ANKAR: variants seen among roughly 807,000 people sequenced by gnomAD.
ANKAR encodes ankyrin and armadillo repeat-containing protein.
Under a neutral mutation model 146.2 loss-of-function variants are expected in ANKAR, and 136 were observed. The observed-to-expected ratio is 0.93, with a 90% CI of 0.81 to 1.07. The LOEUF (loss-of-function observed/expected upper bound fraction) is 1.07. Among genes scored for constraint, ANKAR ranks in the 50% least tolerant of loss-of-function variants. ANKAR has a pLI of 0.00. For missense variants in ANKAR, 1,567 were observed against 1,679.9 expected, an observed-to-expected ratio of 0.93 and a Z score of 1.18; for synonymous variants, 500 against 575.8, an observed-to-expected ratio of 0.87 and a Z score of 1.88.
At chr2:189,687,577 C>T (rs1273243755) in intron 2 of ANKAR, among the ~76,000 whole-genome samples, 1 of 152,154 alleles carries the variant, frequency 6.6e-6, no homozygotes. Context: ...ACATTCCCAC[C>T]AACAGTGTAC....
In ANKAR at chr2:189,699,614, C is replaced by T. The variant is rs1259751367; in HGVS notation, c.1708+3245C>T. On this transcript the variant is annotated intron_variant, in intron 7 of 22. Transcript: ENST00000684021. ...GTCATTCATTTCACTTATGCATAAG[C>T]ACATATAAGTATCTATATATTCAAA... 1.3e-5 allele frequency among the ~76,000 whole-genome samples: 2 copies of T among 152,146 alleles called. 1 individual carries two copies. Among genetic ancestry groups the T allele is most frequent in the Non-Finnish European group, 2.9e-5 (2 of 68,034 alleles).
At chr2:189,677,394 G>T (rs2033891821) in intron 2 of ANKAR, among the ~76,000 whole-genome samples, 1 of 152,092 alleles carries the variant, frequency 6.6e-6, no homozygotes, top group African/African-American at 2.4e-5. Flanking sequence ...CATCACCTGA[G>T]CAGTGTACAC....
At chr2:189,740,294 C>G (rs1414534236) in intron 19 of ANKAR, among the ~76,000 whole-genome samples, 1 of 152,168 alleles carries the variant, frequency 6.6e-6, no homozygotes, top group Non-Finnish European at 1.5e-5. Flanking sequence ...GTCTTTTTAA[C>G]TTTAAATAGA....
chr2:189,752,504 C>T, intron 18 of ANKAR: 1 of 719,614 alleles, frequency 1.4e-6, no homozygotes, highest in Non-Finnish European at 2.3e-6. Flanking sequence ...CATATGGTAT[C>T]AACCTTAACT....
At chr2:189,745,503 T>G (rs1238716614) in intron 22 of ANKAR, among the ~76,000 whole-genome samples, 1 of 152,214 alleles carries the variant, frequency 6.6e-6, no homozygotes, top group African/African-American at 2.4e-5. Context: ...GTTTTGTACA[T>G]AGTTGGTACA....
intron 2 of ANKAR, among the ~76,000 whole-genome samples, chr2:189,682,071 A>T (rs552876909): frequency 3.9e-5 from 6 of 152,234 alleles, no homozygotes; most frequent in Non-Finnish European, 7.4e-5. Context: ...GTGCCTGGGG[A>T]TAGTGCTGGG....
At chr2:189,733,900 C>T (rs150379082) in intron 17 of ANKAR, among the ~76,000 whole-genome samples, 7 of 151,776 alleles carry the variant, frequency 4.6e-5, no homozygotes, top group Non-Finnish European at 8.8e-5. Flanking sequence ...TGTCTTGTCT[C>T]TTTAGCCTCC....
At chr2:189,733,604 C>A (rs1009639869) in intron 17 of ANKAR, among the ~76,000 whole-genome samples, 7 of 152,100 alleles carry the variant, frequency 4.6e-5, no homozygotes, top group South Asian at 2.1e-4. Context: ...TTTTTCCCAG[C>A]AATCTATTAT....
chr2:189,704,068 AT>A (rs1256578594), intron 7 of ANKAR, among the ~76,000 whole-genome samples: 3 of 152,130 alleles, frequency 2.0e-5, no homozygotes, highest in Non-Finnish European at 4.4e-5. Context: ...TGGGAGAATA[AT>A]TTGGCAATAT....
chr2:189,704,564 TATA>T (rs2038603097), intron 7 of ANKAR, among the ~76,000 whole-genome samples: 2 of 98,752 alleles, frequency 2.0e-5, no homozygotes, highest in Admixed American at 2.2e-4. Flanking sequence ...TATATATATA[TATA>T]TATATATATA....
intron 19 of ANKAR, among the ~76,000 whole-genome samples, chr2:189,738,982 A>G (rs2043095383): frequency 6.6e-6 from 1 of 152,196 alleles, no homozygotes; most frequent in Admixed American, 6.5e-5. Flanking sequence ...TATGACCTAC[A>G]AACAGCAAAA....
rs1197893313 is a variant in ANKAR, at chr2:189,738,617, C to A, written c.3635C>A (p.Ala1212Glu). 12 of 1,612,230 alleles carry A rather than the reference C, an allele frequency of 7.4e-6. No homozygotes were observed. The highest frequency in any genetic ancestry group is 1.3e-5 in the African/African-American group (1 of 74,842). Residue 1212 changes from alanine to glutamate, a missense_variant, in exon 19 of 23, where the codon GCA becomes GAA. Ala to Glu is a moderately radical substitution (Grantham distance 107). Coordinates refer to ENST00000684021, the MANE Select transcript of ANKAR (RefSeq NM_001378068.1). ...GATATGGACCATATTACTTTGTCTG[C>A]AAGAGGTGTTACTATTTTAGTTGAT... Reference protein sequence around the residue: ...IRDMDHITLSARGVTILVDSL... With the variant: ...IRDMDHITLSERGVTILVDSL...
chr2:189,747,217 T>TA (rs2044262558), downstream of ANKAR: 2 of 152,162 alleles, frequency 1.3e-5, no homozygotes, highest in East Asian at 3.9e-4. Context: ...TGCACACCTG[T>TA]AGTCCCGGCT....
rs1310241471 is a variant in ANKAR at position 189,692,304 on chromosome 2, A to G, written c.1089A>G (p.Arg363=). The change falls in exon 4 of 23, where the codon AGA becomes AGG. Residue 363 remains arginine, a synonymous_variant. Coordinates refer to ENST00000684021, the MANE Select transcript of ANKAR (RefSeq NM_001378068.1). ...AATTGCCTCCATTTATTTATGGAAG[A>G]GATTTTAAATGCCAGAATTTTCACT... The part of the protein sequence containing the change: ...ERELPPFIYG[R]DFKCQNFHYK... 35 of 1,613,388 alleles carry G rather than the reference A, an allele frequency of 2.2e-5. No homozygotes were observed. The highest frequency in any genetic ancestry group is 2.8e-5 in the Non-Finnish European group (33 of 1,179,788).
chr2:189,684,564 A>G (rs897178467), intron 2 of ANKAR, among the ~76,000 whole-genome samples: 2 of 152,142 alleles, frequency 1.3e-5, no homozygotes, highest in Admixed American at 1.3e-4. Context: ...AATAGAATAT[A>G]AGGGAATTGG....
In ANKAR at chr2:189,689,535, G is replaced by C. The variant is rs1285966276; in HGVS notation, c.610G>C (p.Asp204His). ...CCTTTTTTATCATGAAGGTTTGACT[G>C]ATATTACAAAGGATCCAGACTTTAA... Reference protein sequence around the residue: ...FSEFSSAGLTDITKDPDFNEI... With the variant: ...FSEFSSAGLTHITKDPDFNEI... Residue 204 changes from aspartate (D) to histidine (H), a missense_variant, in exon 3 of 23, where the codon GAT (aspartate) becomes CAT (histidine). By Grantham distance (81) the Asp-to-His change is moderately conservative (BLOSUM62 -1). Transcript: ENST00000684021. 1.3e-6 allele frequency: 2 copies of C among 1,570,590 alleles called. No homozygotes were observed. Among genetic ancestry groups the C allele is most frequent in the East Asian group, 4.5e-5 (2 of 44,130 alleles).
intron 20 of ANKAR, among the ~76,000 whole-genome samples, chr2:189,742,926 ACACACACAC>A (rs2105900938): frequency 8.7e-6 from 1 of 114,510 alleles, no homozygotes; most frequent in South Asian, 3.1e-4. Flanking sequence ...ACACACACAC[ACACACACAC>A]ACACACACAC....
rs61285192 is a variant in ANKAR at position 189,677,116 on chromosome 2, ATTTTTTTT to A, written c.601+36_601+43del. 3.1e-6 allele frequency: 4 copies of A among 1,281,444 alleles called. No individual in the cohort carries two copies. The South Asian group carries it at 5.2e-5, about 17-fold the overall frequency. The allele number at this position is 1,281,444 out of a possible 1,614,324, so 79.4% of individuals were successfully genotyped here. A position where few individuals can be genotyped will look rare whatever the true frequency, so the allele number is the denominator to read the frequency against. On this transcript the variant is annotated intron_variant, in intron 2 of 22. Coordinates refer to ENST00000684021, the MANE Select transcript of ANKAR (RefSeq NM_001378068.1). ...GGTAAGAGAATTTAACACTTCTTAA[ATTTTTTTT>A]TTTTTTTTTTGGAACAGAGTCTTAC...
intron 16 of ANKAR, among the ~76,000 whole-genome samples, chr2:189,731,430 A>G (rs1477183056): frequency 1.4e-5 from 2 of 147,454 alleles, no homozygotes; most frequent in South Asian, 2.1e-4. Flanking sequence ...CTGGAGTGCA[A>G]TGGTGCCATC....
Sources: gnomAD v4.1 joint callset for allele counts (sites outside exome capture counted in the v4.1 genomes callset) on GRCh38, gnomAD v4.1.1 for gene constraint, MANE v1.5 for transcripts, NCBI Gene and HGNC (gene_info 2026-07-23, HGNC 2026-07-21) for gene names.